CSNK2A2IP: variants seen among roughly 807,000 people sequenced by gnomAD.
The protein encoded by CSNK2A2IP is casein kinase 2 subunit alpha' interacting protein.
the CSNK2A2IP span, among the ~76,000 whole-genome samples, chr3:88,456,225 G>A: frequency 2.6e-5 from 4 of 151,928 alleles, no homozygotes; most frequent in Non-Finnish European, 5.9e-5. Flanking sequence ...TTCTATTTCT[G>A]CAAGCAATGC....
chr3:88,355,975 G>A, the CSNK2A2IP span, among the ~76,000 whole-genome samples: 3 of 152,008 alleles, frequency 2.0e-5, no homozygotes, highest in Non-Finnish European at 2.9e-5. Context: ...ATATATTGTA[G>A]TTGTACATAC....
chr3:88,466,766 C>A, the CSNK2A2IP span: 1 of 852,040 alleles, frequency 1.2e-6, no homozygotes, highest in Non-Finnish European at 1.6e-6. Flanking sequence ...CCTCGCTTGT[C>A]ATCAAATTAT....
chr3:88,361,999 G>A, the CSNK2A2IP span, among the ~76,000 whole-genome samples: 2 of 151,982 alleles, frequency 1.3e-5, no homozygotes, highest in African/African-American at 4.8e-5. Flanking sequence ...CCTTTTCTAT[G>A]TTATTTTGAA....
the CSNK2A2IP span, among the ~76,000 whole-genome samples, chr3:88,354,994 C>A: frequency 1.3e-5 from 2 of 152,060 alleles, no homozygotes; most frequent in Non-Finnish European, 2.9e-5. Flanking sequence ...AAGATAGGAA[C>A]CAAGAACCTT....
At chr3:88,448,148 T>C in the CSNK2A2IP span, among the ~76,000 whole-genome samples, 1 of 152,200 alleles carries the variant, frequency 6.6e-6, no homozygotes, top group South Asian at 2.1e-4. Context: ...AGAATGTTAA[T>C]TGGATAGGAT....
At chr3:88,358,440 G>A in the CSNK2A2IP span, among the ~76,000 whole-genome samples, 26 of 151,992 alleles carry the variant, frequency 1.7e-4, no homozygotes, top group African/African-American at 6.3e-4. Flanking sequence ...TTCTGTTGTT[G>A]GACATTCAGT....
At chr3:88,355,076 T>G in the CSNK2A2IP span, among the ~76,000 whole-genome samples, 1 of 152,028 alleles carries the variant, frequency 6.6e-6, no homozygotes, top group African/African-American at 2.4e-5. Flanking sequence ...ATGCCAGCAA[T>G]GCAAAGTAAG....
At chr3:88,356,021 C>T in the CSNK2A2IP span, among the ~76,000 whole-genome samples, 3 of 151,896 alleles carry the variant, frequency 2.0e-5, no homozygotes, top group Admixed American at 6.6e-5. Context: ...TGCAAGTGTA[C>T]AATGTATAAT....
At chr3:88,371,803 A>C in the CSNK2A2IP span, among the ~76,000 whole-genome samples, 1 of 151,764 alleles carries the variant, frequency 6.6e-6, no homozygotes, top group Admixed American at 6.6e-5. Flanking sequence ...TGAAAGCAGC[A>C]AAGGAAAAAT....
chr3:88,366,212 G>A, the CSNK2A2IP span, among the ~76,000 whole-genome samples: 12 of 152,220 alleles, frequency 7.9e-5, no homozygotes, highest in South Asian at 8.3e-4. Context: ...GTGCCAGGTC[G>A]TGGATTTTCA....
At chr3:88,426,594 TG>T in the CSNK2A2IP span, among the ~76,000 whole-genome samples, 4 of 152,180 alleles carry the variant, frequency 2.6e-5, no homozygotes, top group Admixed American at 1.3e-4. Flanking sequence ...AATTTAATCA[TG>T]GGGGGCAATT....
At chr3:88,458,478 T>A in the CSNK2A2IP span, among the ~76,000 whole-genome samples, 1 of 152,080 alleles carries the variant, frequency 6.6e-6, no homozygotes, top group African/African-American at 2.4e-5. Context: ...TTTATCTGTA[T>A]GGCCAAATGT....
chr3:88,387,928 T>G, the CSNK2A2IP span, among the ~76,000 whole-genome samples: 1 of 152,074 alleles, frequency 6.6e-6, no homozygotes, highest in Non-Finnish European at 1.5e-5. Context: ...GGTCTTGCTG[T>G]GTTGCCCAGG....
chr3:88,409,617 T>C, the CSNK2A2IP span, among the ~76,000 whole-genome samples: 6 of 152,120 alleles, frequency 3.9e-5, no homozygotes, highest in East Asian at 9.7e-4. Flanking sequence ...ACAGAATGTA[T>C]AGGGACAAAA....
At chr3:88,358,793 TTTG>T in the CSNK2A2IP span, among the ~76,000 whole-genome samples, 3 of 152,244 alleles carry the variant, frequency 2.0e-5, no homozygotes, top group South Asian at 4.1e-4. Context: ...GCCAGCAGTT[TTTG>T]TTGTTGTTGT....
the CSNK2A2IP span, among the ~76,000 whole-genome samples, chr3:88,413,551 C>G: frequency 1.3e-5 from 2 of 151,788 alleles, no homozygotes; most frequent in African/African-American, 4.9e-5. Flanking sequence ...TTAGGAGTGA[C>G]ATATACTTTT....
chr3:88,466,468 C>A, the CSNK2A2IP span: 1 of 1,231,898 alleles, frequency 8.1e-7, no homozygotes, highest in South Asian at 4.1e-5. Context: ...CATCTCAGGT[C>A]AATTATTATC....
At chr3:88,374,367 T>C in the CSNK2A2IP span, among the ~76,000 whole-genome samples, 3 of 151,606 alleles carry the variant, frequency 2.0e-5, no homozygotes, top group South Asian at 2.1e-4. Flanking sequence ...TTTGATGGAA[T>C]GGTATTGTCT....
the CSNK2A2IP span, among the ~76,000 whole-genome samples, chr3:88,449,894 G>GAGAC: frequency 7.0e-6 from 1 of 142,700 alleles, no homozygotes; most frequent in Non-Finnish European, 1.5e-5. Flanking sequence ...GAGAGAGAGA[G>GAGAC]TCTTGCTCTG....
Sources: allele counts gnomAD v4.1 joint callset (sites outside exome capture counted in the v4.1 genomes callset), GRCh38; gene constraint gnomAD v4.1.1; transcripts MANE v1.5; gene names NCBI Gene and HGNC (gene_info 2026-07-23, HGNC 2026-07-21).